The following CDC123 variants were observed in gnomAD, a reference collection of about 807,000 sequenced individuals.
CDC123 encodes cell division cycle 123, also known as translation initiation factor eIF2 assembly protein.
A neutral mutation model predicts 54.4 loss-of-function variants in CDC123; 37 were observed. The ratio of observed to expected loss-of-function variants is 0.68; its 90% confidence interval spans 0.52 to 0.89. The LOEUF (loss-of-function observed/expected upper bound fraction) is 0.89, where lower values mean the gene tolerates loss of function less well. CDC123 is among the 40% of genes least tolerant of loss of function. The probability of loss-of-function intolerance (pLI) is 0.00; values close to 1 mark genes in which losing one functional copy is unlikely to be tolerated. For missense variants in CDC123, 361 were observed against 412.1 expected, an observed-to-expected ratio of 0.88 and a Z score of 1.07; for synonymous variants, 144 against 136.8, an observed-to-expected ratio of 1.05 and a Z score of -0.37.
At chr10:12,236,043 G>A (rs1405936979) in intron 8 of CDC123, among the ~76,000 whole-genome samples, 1 of 152,222 alleles carries the variant, frequency 6.6e-6, no homozygotes, top group African/African-American at 2.4e-5. Context: ...AGAGCAGGCT[G>A]TGAAGGCCAA....
chr10:12,239,091 G>C (rs1836019444), intron 10 of CDC123, among the ~76,000 whole-genome samples: 1 of 152,018 alleles, frequency 6.6e-6, no homozygotes, highest in African/African-American at 2.4e-5. Context: ...GGAATGCAAG[G>C]CTGCAGTGAG....
intron 6 of CDC123, among the ~76,000 whole-genome samples, chr10:12,224,779 G>C (rs977873015): frequency 5.9e-5 from 9 of 152,162 alleles, no homozygotes; most frequent in Non-Finnish European, 1.3e-4. Context: ...TGTGGTGGTG[G>C]TGGTTTTTTT....
In CDC123 at chr10:12,246,176, C is replaced by A. The variant is rs1183010764; in HGVS notation, c.745C>A (p.Pro249Thr). 1.9e-6 allele frequency: 3 copies of A among 1,613,868 alleles called. No individual in the cohort carries two copies. Among genetic ancestry groups the A allele is most frequent in the South Asian group, 1.1e-5 (1 of 91,042 alleles). The change falls in exon 11 of 13, where the codon CCA becomes ACA. Residue 249 changes from proline to threonine, a missense_variant. By Grantham distance (38) the Pro-to-Thr change is conservative. Coordinates refer to ENST00000281141, the MANE Select transcript of CDC123 (RefSeq NM_006023.3). Reference sequence around the variant, plus strand: ...GAAGGTGTGGCTCATTGACTTTAATCCATTTGGTGAAGTCACAGATTCACT... The same window carrying A: ...GAAGGTGTGGCTCATTGACTTTAATACATTTGGTGAAGTCACAGATTCACT... ...RGKVWLIDFN[P>T]FGEVTDSLLF...
chr10:12,230,548 T>C (rs893632071), intron 6 of CDC123, among the ~76,000 whole-genome samples: 1 of 152,196 alleles, frequency 6.6e-6, no homozygotes, highest in South Asian at 2.1e-4. Context: ...TCACATCATG[T>C]AAAGTGGGGT....
At chr10:12,196,596 A>T (rs1034275049) in intron 1 of CDC123, among the ~76,000 whole-genome samples, 1 of 152,142 alleles carries the variant, frequency 6.6e-6, no homozygotes, top group Non-Finnish European at 1.5e-5. Flanking sequence ...CTACTTTTAG[A>T]ATGGCCCCAG....
At chr10:12,198,296 C>T (rs1410311980) in intron 1 of CDC123, among the ~76,000 whole-genome samples, 1 of 152,200 alleles carries the variant, frequency 6.6e-6, no homozygotes, top group African/African-American at 2.4e-5. Flanking sequence ...GACTCTACTT[C>T]TGCCCTCTAT....
At chr10:12,209,898 A>G in intron 2 of CDC123, 69 bp from the exon 3 acceptor site, 1 of 1,427,078 alleles carries the variant, frequency 7.0e-7, no homozygotes, top group Non-Finnish European at 9.9e-7. Context: ...TATACTCAGT[A>G]CCCCTGAAAT....
chr10:12,204,761 G>A (rs983041534), intron 2 of CDC123, among the ~76,000 whole-genome samples: 4 of 152,056 alleles, frequency 2.6e-5, no homozygotes, highest in African/African-American at 9.7e-5. Flanking sequence ...GGAGGCTCAG[G>A]TGGGCAGATC....
chr10:12,231,520 G>T (rs1444005322), intron 7 of CDC123, among the ~76,000 whole-genome samples: 1 of 151,236 alleles, frequency 6.6e-6, no homozygotes, highest in Non-Finnish European at 1.5e-5. Context: ...AGCTACTCAG[G>T]AGATTGAGGC....
At chr10:12,208,507 A>G (rs1835549814) in intron 2 of CDC123, among the ~76,000 whole-genome samples, 1 of 152,196 alleles carries the variant, frequency 6.6e-6, no homozygotes, top group African/African-American at 2.4e-5. Flanking sequence ...GCAAGGGTAC[A>G]ATGGGCAGGT....
intron 7 of CDC123, among the ~76,000 whole-genome samples, chr10:12,232,880 C>T (rs1835920340): frequency 1.3e-5 from 2 of 151,868 alleles, no homozygotes; most frequent in Admixed American, 6.6e-5. Context: ...CTGCCTCAGC[C>T]TCCCAAGGAG....
intron 9 of CDC123, among the ~76,000 whole-genome samples, 155 bp from the exon 10 acceptor site, chr10:12,238,301 CT>C (rs1836005811): frequency 6.6e-6 from 1 of 152,072 alleles, no homozygotes; most frequent in African/African-American, 2.4e-5. Context: ...TGCAGGATGC[CT>C]TTTTATGTTT....
At chr10:12,203,443 T>C (rs1460214791) in intron 2 of CDC123, among the ~76,000 whole-genome samples, 2 of 152,238 alleles carry the variant, frequency 1.3e-5, no homozygotes, top group African/African-American at 4.8e-5. Flanking sequence ...ATGACTAGTT[T>C]ACCTTGTTTG....
chr10:12,246,221 C>A lies in CDC123; in HGVS notation c.790C>A (p.Leu264Met). The change falls in exon 11 of 13, where the codon CTG (leucine) becomes ATG (methionine). Residue 264 changes from leucine to methionine, a missense_variant. Transcript: ENST00000281141. ...TDSLLFTWEE[L>M]ISENNLNGDF... is the part of the protein sequence containing the mutation. ...TTCACTGCTGTTCACCTGGGAAGAA[C>A]TGATATCTGAGAACAACTTAAACGG... 18 of 1,614,108 alleles carry A rather than the reference C, an allele frequency of 1.1e-5. No homozygotes were observed. The highest frequency in any genetic ancestry group is 1.5e-5 in the Non-Finnish European group (18 of 1,179,990).
intron 10 of CDC123, among the ~76,000 whole-genome samples, chr10:12,241,047 A>G (rs1205272575): frequency 6.6e-6 from 1 of 152,220 alleles, no homozygotes; most frequent in Non-Finnish European, 1.5e-5. Context: ...AATGCATCAC[A>G]GTACCTGCAG....
At chr10:12,231,018 A>G (rs1335693472) in intron 7 of CDC123, 22 bp downstream of exon 7, 1 of 1,569,956 alleles carries the variant, frequency 6.4e-7, no homozygotes, top group Non-Finnish European at 8.7e-7. Flanking sequence ...ATTTTCTTTG[A>G]TAATTGTAGA....
chr10:12,235,515 C>T (rs958309739), intron 8 of CDC123, among the ~76,000 whole-genome samples: 7 of 152,164 alleles, frequency 4.6e-5, no homozygotes, highest in Admixed American at 6.5e-5. Context: ...TATTGGGGCA[C>T]TGTTTATTAT....
At chr10:12,246,657 A>G (rs907315499) in intron 11 of CDC123, 20 of 163,286 alleles carry the variant, frequency 1.2e-4, no homozygotes, top group Admixed American at 3.2e-4. Flanking sequence ...TTTCTCCTCC[A>G]TTTCCACGGT....
At chr10:12,202,449 G>A (rs1302010990) in intron 2 of CDC123, among the ~76,000 whole-genome samples, 1 of 152,140 alleles carries the variant, frequency 6.6e-6, no homozygotes. Flanking sequence ...CCACCAAGAA[G>A]CAATCGGTTC....
Sources: allele counts gnomAD v4.1 joint callset (sites outside exome capture counted in the v4.1 genomes callset), GRCh38; gene constraint gnomAD v4.1.1; transcripts MANE v1.5; gene names NCBI Gene and HGNC (gene_info 2026-07-23, HGNC 2026-07-21).